Variants in ATP9A observed in about 807,000 individuals in gnomAD.
The protein encoded by ATP9A is ATPase phospholipid transporting 9A.
A neutral mutation model predicts 144.1 loss-of-function variants in ATP9A; 52 were observed. The ratio of observed to expected loss-of-function variants is 0.36; its 90% confidence interval spans 0.29 to 0.45. The LOEUF is 0.45. Among genes scored for constraint, ATP9A ranks in the 20% least tolerant of loss-of-function variants. The pLI, the probability that ATP9A is intolerant of heterozygous loss-of-function variation, is 1.00. For missense variants in ATP9A, 947 were observed against 1,392.7 expected, an observed-to-expected ratio of 0.68 and a Z score of 5.09; for synonymous variants, 582 against 557.4, an observed-to-expected ratio of 1.04 and a Z score of -0.62.
chr20:51,618,072 T>C (rs1568787281), intron 21 of ATP9A, among the ~76,000 whole-genome samples: 1 of 151,874 alleles, frequency 6.6e-6, no homozygotes, highest in Non-Finnish European at 1.5e-5. Flanking sequence ...ATACAAAAAT[T>C]AGCCACACGT....
At chr20:51,609,749 C>A (rs1240486556) in intron 24 of ATP9A, among the ~76,000 whole-genome samples, 1 of 152,188 alleles carries the variant, frequency 6.6e-6, no homozygotes, top group African/African-American at 2.4e-5. Flanking sequence ...GATCCCCCAC[C>A]CCTTTTTATT....
At chr20:51,682,380 G>A (rs1379088689) in intron 9 of ATP9A, among the ~76,000 whole-genome samples, 4 of 151,974 alleles carry the variant, frequency 2.6e-5, no homozygotes, top group South Asian at 2.1e-4. Context: ...TCCTATTCAC[G>A]TGGCTGTCTA....
At chr20:51,666,724 T>C (rs1485373252) in intron 13 of ATP9A, among the ~76,000 whole-genome samples, 1 of 150,052 alleles carries the variant, frequency 6.7e-6, no homozygotes, top group Non-Finnish European at 1.5e-5. Context: ...AAAGAACCAC[T>C]GGTATAAGAA....
chr20:51,682,138 G>A (rs935415188), intron 9 of ATP9A, among the ~76,000 whole-genome samples: 1 of 151,952 alleles, frequency 6.6e-6, no homozygotes, highest in African/African-American at 2.4e-5. Flanking sequence ...TACCTATTGG[G>A]TACTATGCTT....
At chr20:51,639,015 GATTAT>G (rs760474065) in intron 15 of ATP9A, among the ~76,000 whole-genome samples, 49 of 150,518 alleles carry the variant, frequency 3.3e-4, no homozygotes, top group Middle Eastern at 3.4e-3. Flanking sequence ...ACTTTAAAAT[GATTAT>G]ATTATGTGAA....
intron 22 of ATP9A, among the ~76,000 whole-genome samples, chr20:51,617,178 GTGA>G (rs35712639): frequency 0.51 from 77,354 of 151,322 alleles, 20,052 homozygotes; most frequent in African/African-American, 0.61. Flanking sequence ...CTGACCTCAA[GTGA>G]TGATCCACCC....
intron 1 of ATP9A, among the ~76,000 whole-genome samples, chr20:51,731,381 T>C (rs1349459292): frequency 1.3e-5 from 2 of 151,920 alleles, no homozygotes; most frequent in African/African-American, 4.8e-5. Flanking sequence ...AAAATAAATA[T>C]ATCACAGTAA....
rs541628075 is a variant in ATP9A, at chr20:51,687,277, A to G, written c.799+1787T>C. 5.9e-5 allele frequency among the ~76,000 whole-genome samples: 9 copies of G among 152,286 alleles called. No homozygotes were observed. The East Asian group carries it at 1.7e-3, about 29-fold the overall frequency. ...GGGGGACTGAGAGACGTACCAAAGT[A>G]TGATGAAAATAAAGGCAGGCAGTGG... On this transcript the variant is annotated intron_variant, in intron 9 of 27. Transcript: ENST00000338821.
intron 14 of ATP9A, among the ~76,000 whole-genome samples, chr20:51,642,801 A>G (rs1211604589): frequency 1.3e-5 from 2 of 149,764 alleles, no homozygotes; most frequent in Admixed American, 6.7e-5. Flanking sequence ...CCTTTTACCA[A>G]GAGAGCTCTG....
intron 1 of ATP9A, among the ~76,000 whole-genome samples, chr20:51,765,123 T>C (rs1020977871): frequency 3.9e-5 from 6 of 152,066 alleles, no homozygotes; most frequent in Admixed American, 2.6e-4. Flanking sequence ...ACCCATTACA[T>C]ATTACTTTTT....
intron 18 of ATP9A, among the ~76,000 whole-genome samples, chr20:51,623,968 C>A (rs6126271): frequency 1.3e-5 from 2 of 152,134 alleles, no homozygotes; most frequent in African/African-American, 4.8e-5. Context: ...AATATCTCGT[C>A]TTGGGCTAAC....
intron 3 of ATP9A, among the ~76,000 whole-genome samples, chr20:51,721,687 G>A (rs76533211): frequency 6.6e-6 from 1 of 151,390 alleles, no homozygotes; most frequent in African/African-American, 2.4e-5. Context: ...TGTAGTCCCA[G>A]CTACTCGGGA....
At chr20:51,613,570 C>T in intron 23 of ATP9A, 107 bp downstream of exon 23, 2 of 1,241,304 alleles carry the variant, frequency 1.6e-6, no homozygotes, top group Non-Finnish European at 2.2e-6. Context: ...AGGCTTTTTC[C>T]ATGATAATTA....
chr20:51,700,216 A>G (rs1029634591), intron 4 of ATP9A, among the ~76,000 whole-genome samples: 1 of 152,174 alleles, frequency 6.6e-6, no homozygotes, highest in African/African-American at 2.4e-5. Context: ...ACATCCAATT[A>G]GATGATTAGA....
At chr20:51,727,670 G>A (rs1360055638) in intron 2 of ATP9A, among the ~76,000 whole-genome samples, 5 of 152,012 alleles carry the variant, frequency 3.3e-5, no homozygotes, top group African/African-American at 1.2e-4. Context: ...AGTGGCTCAC[G>A]CCTGTAATCC....
intron 14 of ATP9A, among the ~76,000 whole-genome samples, chr20:51,654,317 G>A (rs1327896651): frequency 1.3e-5 from 2 of 152,168 alleles, no homozygotes; most frequent in Admixed American, 1.3e-4. Context: ...CCAGGACACA[G>A]AAGATGACAC....
At position 51,613,775 on chromosome 20, in the gene ATP9A, C is replaced by T. The variant is rs1159115814; in HGVS notation, c.2473G>A (p.Gly825Ser). ...DFSITQFKHL[G>S]RLLMVHGRNS... The stretch of plus-strand genomic sequence containing the variant: ...CGGCCATGCACCATAAGCAACCGGC[C>T]AAGATGCTTAAATTGAGTGATGGAG... Residue 825 changes from glycine to serine, a missense_variant, in exon 23 of 28, where the codon GGC (glycine) becomes AGC (serine). Transcript: ENST00000338821. 1 of 1,614,146 alleles carries T rather than the reference C, an allele frequency of 6.2e-7. No individual in the cohort carries two copies. Among genetic ancestry groups the T allele is most frequent in the Non-Finnish European group, 8.5e-7 (1 of 1,180,026 alleles).
At chr20:51,765,480 C>CAACTCTCT in intron 1 of ATP9A, among the ~76,000 whole-genome samples, 1 of 150,704 alleles carries the variant, frequency 6.6e-6, no homozygotes, top group South Asian at 2.1e-4. Flanking sequence ...CATGGAGAAA[C>CAACTCTCT]CCCATCTGTA....
chr20:51,672,170 T>C (rs1340552143), intron 11 of ATP9A, among the ~76,000 whole-genome samples: 4 of 152,156 alleles, frequency 2.6e-5, no homozygotes, highest in African/African-American at 7.2e-5. Context: ...GGGGGGCTTA[T>C]TTTTCTGGCT....
Sources: allele counts gnomAD v4.1 joint callset (sites outside exome capture counted in the v4.1 genomes callset), GRCh38; gene constraint gnomAD v4.1.1; transcripts MANE v1.5; gene names NCBI Gene and HGNC (gene_info 2026-07-23, HGNC 2026-07-21).